OGA: variants seen among roughly 807,000 people sequenced by gnomAD.
OGA encodes the protein protein O-GlcNAcase.
A neutral mutation model predicts 102.0 loss-of-function variants in OGA; 21 were observed. The observed-to-expected ratio is 0.21, with a 90% CI of 0.15 to 0.30. OGA has a LOEUF of 0.30. Ranked by LOEUF, OGA falls within the 10% of genes least tolerant of loss-of-function variation. OGA has a pLI of 1.00. For synonymous variants in OGA, 408 were observed against 378.2 expected, an observed-to-expected ratio of 1.08 and a Z score of -0.91; for missense variants, 765 against 1,107.8, an observed-to-expected ratio of 0.69 and a Z score of 4.39.
chr10:101,812,843 T>C, intron 3 of OGA, 187 bp downstream of exon 3: 5 of 662,368 alleles, frequency 7.5e-6, no homozygotes, highest in African/African-American at 1.8e-5. Flanking sequence ...ATCACACATA[T>C]GGTCATGACC....
At chr10:101,797,805 T>C in intron 10 of OGA, 175 bp downstream of exon 10, 1 of 632,088 alleles carries the variant, frequency 1.6e-6, no homozygotes, top group Non-Finnish European at 2.8e-6. Flanking sequence ...TTGATGTATT[T>C]ACTAAGACTT....
intron 11 of OGA, 71 bp downstream of exon 11, chr10:101,793,842 T>C (rs2065285808): frequency 3.5e-6 from 4 of 1,133,500 alleles, no homozygotes; most frequent in Admixed American, 3.7e-5. Flanking sequence ...CTTCCAGCCA[T>C]CTGATGCGCA....
In OGA at chr10:101,785,063, T is replaced by C. The variant is rs2065178702; in HGVS notation, c.*1388A>G. On this transcript the variant is annotated 3_prime_UTR_variant, in exon 16 of 16. Coordinates refer to ENST00000361464, the MANE Select transcript of OGA (RefSeq NM_012215.5). ...GAAAGAAAACTTAAGTTTCTTTCTC[T>C]TTACCCCTCTCCCCTCACTCAGCTC... 3 of 152,298 alleles carry C rather than the reference T, an allele frequency of 2.0e-5. No individual in the cohort carries two copies. The South Asian group carries it at 6.2e-4, about 32-fold the overall frequency. The allele number at this position is 152,298 out of a possible 1,614,324, so 9.4% of individuals were successfully genotyped here. A position where few individuals can be genotyped will look rare whatever the true frequency, so the allele number is the denominator to read the frequency against.
chr10:101,796,247 C>T (rs2065314708), intron 10 of OGA, among the ~76,000 whole-genome samples: 1 of 152,088 alleles, frequency 6.6e-6, no homozygotes. Flanking sequence ...CTCCCATGTA[C>T]AGGAGCTATA....
chr10:101,811,686 G>A (rs1487947282), intron 3 of OGA, among the ~76,000 whole-genome samples: 5 of 151,784 alleles, frequency 3.3e-5, no homozygotes, highest in African/African-American at 1.2e-4. Flanking sequence ...AGTGACAAAC[G>A]CTGTCTCCAA....
At position 101,818,116 on chromosome 10, in the gene OGA, CA is replaced by C; in HGVS notation, c.-95del. ...GGAGCCCTGGAGAGGGCTTCAGCTC[CA>C]AGTGTGCGCCCCTCCGGCTCCTTCC... On this transcript the variant is annotated 5_prime_UTR_variant, in exon 1 of 16. Coordinates refer to ENST00000361464, the MANE Select transcript of OGA (RefSeq NM_012215.5). 7.1e-7 allele frequency: 1 copy of C among 1,409,078 alleles called. No individual in the cohort carries two copies. Among genetic ancestry groups the C allele is most frequent in the African/African-American group, 1.5e-5 (1 of 66,816 alleles). The allele number at this position is 1,409,078 out of a possible 1,614,324, so 87.3% of individuals were successfully genotyped here. A position where few individuals can be genotyped will look rare whatever the true frequency, so the allele number is the denominator to read the frequency against.
chr10:101,802,881 G>C (rs2065412598), intron 7 of OGA, among the ~76,000 whole-genome samples: 1 of 149,648 alleles, frequency 6.7e-6, no homozygotes, highest in African/African-American at 2.5e-5. Flanking sequence ...GCTCATGCCT[G>C]TAATCCCAGC....
intron 12 of OGA, 26 bp from the exon 13 acceptor site, chr10:101,791,465 C>A: frequency 6.3e-7 from 1 of 1,585,336 alleles, no homozygotes. Flanking sequence ...AGTTAAGCAA[C>A]ACATCAAGAA....
At chr10:101,805,898 T>C in intron 6 of OGA, 147 bp downstream of exon 6, 1 of 554,706 alleles carries the variant, frequency 1.8e-6, no homozygotes, top group Non-Finnish European at 3.3e-6. Context: ...GAGCGTGCAG[T>C]GAGCCGAGAT....
At chr10:101,805,982 A>G in intron 6 of OGA, 63 bp downstream of exon 6, 1 of 1,160,912 alleles carries the variant, frequency 8.6e-7, no homozygotes, top group Non-Finnish European at 1.3e-6. Context: ...ATTAACAAGA[A>G]CAAGCAATTT....
intron 6 of OGA, 77 bp from the exon 7 acceptor site, chr10:101,804,096 G>GAGTGCTGGGATTA: frequency 1.4e-6 from 2 of 1,380,038 alleles, no homozygotes; most frequent in Non-Finnish European, 2.0e-6. Context: ...TGTAATCCCA[G>GAGTGCTGGGATTA]CACTCTGGGA....
At chr10:101,796,331 G>A (rs889788981) in intron 10 of OGA, among the ~76,000 whole-genome samples, 1 of 151,166 alleles carries the variant, frequency 6.6e-6, no homozygotes, top group East Asian at 2.0e-4. Context: ...ACACAATCTC[G>A]GCTCACTGCA....
chr10:101,790,213 T>C lies in OGA; in HGVS notation c.2454+683A>G, dbSNP rs138294945. On this transcript the variant is annotated intron_variant, in intron 14 of 15. Coordinates refer to ENST00000361464, the MANE Select transcript of OGA (RefSeq NM_012215.5). ...ACCTTCTGAGAAACCACCAAATAGA[T>C]TTAAATTACTTAAATTGTCCTGAGT... 3.7e-4 allele frequency among the ~76,000 whole-genome samples: 56 copies of C among 151,982 alleles called. 1 individual carries two copies. The highest frequency in any genetic ancestry group is 1.3e-3 in the African/African-American group (55 of 41,448).
intron 1 of OGA, among the ~76,000 whole-genome samples, chr10:101,817,105 C>A (rs903111059): frequency 2.6e-5 from 4 of 152,198 alleles, no homozygotes; most frequent in Non-Finnish European, 4.4e-5. Context: ...TGGTAATTTT[C>A]CCTCACTACC....
At position 101,786,528 on chromosome 10, in the gene OGA, T is replaced by A; in HGVS notation, c.2674A>T (p.Ser892Cys). ...GCAATTTCAAAACATCCTAACTTGCTGTAAAATTCCAGAATTCTTTTATCA... is the reference window on the plus strand; with the variant it reads ...GCAATTTCAAAACATCCTAACTTGCAGTAAAATTCCAGAATTCTTTTATCA... ...PDDKRILEFY[S>C]KLGCFEIAKM... The change falls in exon 16 of 16, where the codon AGC becomes TGC. Residue 892 changes from serine to cysteine, a missense_variant. This residue lies in a region of OGA where 146 missense variants were observed against 269.7 expected (regional missense o/e 0.54). Transcript: ENST00000361464. 1 of 1,612,250 alleles carries A rather than the reference T, an allele frequency of 6.2e-7. No homozygotes were observed. The highest frequency in any genetic ancestry group is 8.5e-7 in the Non-Finnish European group (1 of 1,179,226).
At chr10:101,811,169 G>GATCA in intron 3 of OGA, among the ~76,000 whole-genome samples, 1 of 152,014 alleles carries the variant, frequency 6.6e-6, no homozygotes, top group Admixed American at 6.6e-5. Context: ...CAGGAGGACT[G>GATCA]CCTGAGGTCA....
chr10:101,812,260 G>C (rs983523197), intron 3 of OGA, among the ~76,000 whole-genome samples: 1 of 151,898 alleles, frequency 6.6e-6, no homozygotes. Context: ...ATAGCAGGCC[G>C]GCCGGGCACA....
intron 12 of OGA, chr10:101,792,610 T>G: frequency 2.3e-6 from 1 of 443,698 alleles, no homozygotes; most frequent in South Asian, 4.1e-5. Flanking sequence ...CAACTCTGAA[T>G]ACATTTCATC....
chr10:101,817,715 G>A, intron 1 of OGA, 109 bp downstream of exon 1: 1 of 1,267,444 alleles, frequency 7.9e-7, no homozygotes, highest in Non-Finnish European at 1.1e-6. Flanking sequence ...CCACATTTCA[G>A]ACCCAGAGGC....
Sources: allele counts gnomAD v4.1 joint callset (sites outside exome capture counted in the v4.1 genomes callset), GRCh38; gene constraint gnomAD v4.1.1; regional missense constraint gnomAD v4.1.1; transcripts MANE v1.5; gene names NCBI Gene and HGNC (gene_info 2026-07-23, HGNC 2026-07-21).